Variants in TENM2 observed in about 807,000 individuals in gnomAD.
TENM2 encodes the protein teneurin-2.
A neutral mutation model predicts 245.2 loss-of-function variants in TENM2; 52 were observed. The ratio of observed to expected loss-of-function variants is 0.21; its 90% CI spans 0.17 to 0.27. TENM2 has a LOEUF of 0.27. Among genes scored for constraint, TENM2 ranks in the 10% least tolerant of loss-of-function variants. TENM2 has a pLI of 1.00. For missense variants in TENM2, 3,046 were observed against 3,666.8 expected, an observed-to-expected ratio of 0.83 and a Z score of 4.37; for synonymous variants, 1,363 against 1,438.9, an observed-to-expected ratio of 0.95 and a Z score of 1.19.
At chr5:167,051,601 A>T in the TENM2 span, among the ~76,000 whole-genome samples, 1 of 152,108 alleles carries the variant, frequency 6.6e-6, no homozygotes, top group South Asian at 2.1e-4. Context: ...ATCTCCAGGG[A>T]CTCGGAGGAG....
chr5:167,025,688 A>G, the TENM2 span, among the ~76,000 whole-genome samples: 5 of 152,212 alleles, frequency 3.3e-5, no homozygotes, highest in Admixed American at 6.5e-5. Flanking sequence ...ATAGACAGAC[A>G]TCAATCCCAA....
chr5:167,717,122 T>C (rs1412615271), intron 2 of TENM2, among the ~76,000 whole-genome samples: 12 of 151,984 alleles, frequency 7.9e-5, no homozygotes, highest in African/African-American at 2.9e-4. Context: ...ACCTGGCTAA[T>C]TTTTTGTATG....
intron 2 of TENM2, among the ~76,000 whole-genome samples, chr5:167,540,494 GT>G (rs1772131923): frequency 1.3e-5 from 2 of 152,166 alleles, no homozygotes; most frequent in African/African-American, 4.8e-5. Flanking sequence ...AAAAAATTGT[GT>G]TGGCATATAG....
intron 2 of TENM2, among the ~76,000 whole-genome samples, chr5:167,576,120 A>G (rs943788584): frequency 3.3e-5 from 5 of 152,200 alleles, no homozygotes; most frequent in Admixed American, 1.3e-4. Context: ...CGACTTGGCT[A>G]TTTGCCTCAC....
rs147659238 is a variant in TENM2 at position 168,012,726 on chromosome 5, G to T, written c.1186+19544G>T. Among the ~76,000 whole-genome samples the T allele has an allele frequency of 1.7e-4, 23 of 132,828 alleles. 1 individual carries two copies. In the East Asian group the frequency reaches 4.9e-3, roughly 29 times the overall value. 87.1% of individuals were successfully genotyped at this position (132,828 alleles called of 152,430 possible). A position where few individuals can be genotyped will look rare whatever the true frequency, so the allele number is the denominator to read the frequency against. The stretch of plus-strand genomic sequence containing the variant: ...CTTCTCAGGATGCTCAGCCAAGGCA[G>T]TGTTTCAGTTAGGGATACCTTTCAG... On this transcript the variant is annotated intron_variant, in intron 5 of 28. Transcript: ENST00000518659.
the TENM2 span, among the ~76,000 whole-genome samples, chr5:166,995,418 T>C: frequency 4.0e-5 from 6 of 151,812 alleles, no homozygotes; most frequent in African/African-American, 1.5e-4. Flanking sequence ...TTTTTTTGTA[T>C]TTTTAGTAGA....
the TENM2 span, among the ~76,000 whole-genome samples, chr5:167,020,918 T>C: frequency 6.6e-6 from 1 of 152,142 alleles, no homozygotes; most frequent in Non-Finnish European, 1.5e-5. Flanking sequence ...CCGAGGCAGG[T>C]GGATTGCCTG....
At chr5:167,783,131 A>G (rs1176760652) in intron 2 of TENM2, among the ~76,000 whole-genome samples, 2 of 150,788 alleles carry the variant, frequency 1.3e-5, no homozygotes, top group Non-Finnish European at 2.9e-5. Flanking sequence ...CCTTGTTCTC[A>G]CTGTGGAAGA....
chr5:168,061,992 A>G (rs1420791259), intron 6 of TENM2, 68 bp from the exon 9 acceptor site: 35 of 1,388,422 alleles, frequency 2.5e-5, no homozygotes, highest in Non-Finnish European at 3.3e-5. Context: ...GCATGTAATT[A>G]AACAAATATA....
At chr5:167,738,606 A>G (rs1389464264) in intron 2 of TENM2, among the ~76,000 whole-genome samples, 2 of 152,206 alleles carry the variant, frequency 1.3e-5, no homozygotes, top group African/African-American at 2.4e-5. Flanking sequence ...TAGGGATACC[A>G]TAAGAAAATT....
chr5:167,721,203 G>C (rs1759604321), intron 2 of TENM2, among the ~76,000 whole-genome samples: 1 of 151,670 alleles, frequency 6.6e-6, no homozygotes, highest in Non-Finnish European at 1.5e-5. Context: ...TCAGTGAATA[G>C]AATCAGCTAC....
At chr5:167,179,392 A>G in the TENM2 span, among the ~76,000 whole-genome samples, 1 of 152,228 alleles carries the variant, frequency 6.6e-6, no homozygotes, top group African/African-American at 2.4e-5. Flanking sequence ...AAGTCGTATA[A>G]TTATTGTATT....
the TENM2 span, among the ~76,000 whole-genome samples, chr5:167,082,842 T>G: frequency 6.6e-6 from 1 of 152,162 alleles, no homozygotes; most frequent in South Asian, 2.1e-4. Context: ...TTTAAAATGT[T>G]TAAGTCTTTT....
At chr5:167,459,390 T>C (rs948342421) in intron 2 of TENM2, among the ~76,000 whole-genome samples, 1 of 152,230 alleles carries the variant, frequency 6.6e-6, no homozygotes, top group Non-Finnish European at 1.5e-5. Context: ...TCTTGATTCA[T>C]CTGTTACTGA....
chr5:167,115,264 A>G, the TENM2 span, among the ~76,000 whole-genome samples: 1 of 152,190 alleles, frequency 6.6e-6, no homozygotes, highest in South Asian at 2.1e-4. Context: ...TGTCTACAAA[A>G]TGATTTCTGA....
chr5:167,189,797 T>C, the TENM2 span, among the ~76,000 whole-genome samples: 3 of 152,114 alleles, frequency 2.0e-5, no homozygotes, highest in Admixed American at 6.6e-5. Context: ...CAGTGCCCTA[T>C]TTGAGACCAT....
chr5:167,600,915 T>A (rs1454028666), intron 2 of TENM2, among the ~76,000 whole-genome samples: 1 of 152,264 alleles, frequency 6.6e-6, no homozygotes, highest in South Asian at 2.1e-4. Flanking sequence ...TTTTCATTAG[T>A]CCTTAAACAT....
the TENM2 span, among the ~76,000 whole-genome samples, chr5:167,189,103 G>T: frequency 6.6e-6 from 1 of 152,028 alleles, no homozygotes; most frequent in Non-Finnish European, 1.5e-5. Flanking sequence ...CCTGGAAAAT[G>T]ACCACAGAAA....
At chr5:168,017,496 T>C (rs1470616052) in intron 5 of TENM2, among the ~76,000 whole-genome samples, 3 of 152,248 alleles carry the variant, frequency 2.0e-5, no homozygotes, top group Non-Finnish European at 1.5e-5. Flanking sequence ...TATTTGGCAC[T>C]GTTTGTGTGG....
Sources: allele counts gnomAD v4.1 joint callset (sites outside exome capture counted in the v4.1 genomes callset), GRCh38; gene constraint gnomAD v4.1.1; transcripts MANE v1.5; gene names NCBI Gene and HGNC (gene_info 2026-07-23, HGNC 2026-07-21).